IPO9: variants seen among roughly 807,000 people sequenced by gnomAD.
IPO9 encodes the protein importin-9.
Under a neutral mutation model 128.6 loss-of-function variants are expected in IPO9, and 28 were observed. The observed-to-expected ratio is 0.22, with a 90% CI of 0.16 to 0.30. IPO9 has a LOEUF of 0.30. IPO9 is among the 10% of genes least tolerant of loss of function. IPO9 has a pLI of 1.00. For synonymous variants in IPO9, 455 were observed against 475.8 expected (o/e 0.96, Z 0.57); for missense variants, 935 against 1,293.9 (o/e 0.72, Z 4.26).
chr1:201,829,529 G>T (rs936818441), intron 1 of IPO9, 157 bp downstream of exon 1: 11 of 557,358 alleles, frequency 2.0e-5, no homozygotes, highest in Non-Finnish European at 2.5e-5. Flanking sequence ...TGGTGGTTGT[G>T]AAAGTCCGAG....
At position 201,874,820 on chromosome 1, in the gene IPO9, A is replaced by C; in HGVS notation, c.2834-12A>C. 2 of 1,573,706 alleles carry C rather than the reference A, an allele frequency of 1.3e-6. No individual in the cohort carries two copies. Among genetic ancestry groups the C allele is most frequent in the East Asian group, 2.2e-5 (1 of 44,654 alleles). ...TGTGCTCTAGCTCTAGCTGCTTTTC[A>C]TCTCCAAGTAGATGACTCCAATGAT... On this transcript the variant is annotated splice_polypyrimidine_tract_variant and intron_variant, in intron 21 of 23. Coordinates refer to ENST00000361565, the MANE Select transcript of IPO9 (RefSeq NM_018085.5).
chr1:201,871,376 CTTTTTTTTTTTTTTTTTTT>C (rs556986429), intron 19 of IPO9, 49 bp downstream of exon 19: 1 of 144,692 alleles, frequency 6.9e-6, no homozygotes, highest in South Asian at 6.2e-5. Flanking sequence ...ACTCATATTT[CTTTTTTTTTTTTTTTTTTT>C]TTTTTTTTTT....
chr1:201,871,612 T>C (rs1400561222), intron 19 of IPO9, among the ~76,000 whole-genome samples: 1 of 151,902 alleles, frequency 6.6e-6, no homozygotes, highest in Non-Finnish European at 1.5e-5. Context: ...AGGCTGGTCT[T>C]GAACTCCTGA....
At chr1:201,862,580 G>T (rs1458960827) in intron 13 of IPO9, among the ~76,000 whole-genome samples, 4 of 151,806 alleles carry the variant, frequency 2.6e-5, no homozygotes, top group Non-Finnish European at 5.9e-5. Context: ...GCCAAGGCAG[G>T]CAGATCACCT....
At chr1:201,857,993 C>T (rs937166298) in intron 11 of IPO9, among the ~76,000 whole-genome samples, 5 of 152,172 alleles carry the variant, frequency 3.3e-5, no homozygotes, top group African/African-American at 1.2e-4. Flanking sequence ...AAGAAACTGC[C>T]ACTTGCTTCT....
chr1:201,848,287 C>G (rs1258841025), intron 3 of IPO9, 106 bp from the exon 4 acceptor site: 4 of 895,034 alleles, frequency 4.5e-6, no homozygotes, highest in East Asian at 2.5e-5. Context: ...TGTAGACATG[C>G]AGTACCTTGT....
chr1:201,858,556 A>G lies in IPO9; in HGVS notation c.1328+3A>G, dbSNP rs1246100252. 4 of 1,515,566 alleles carry G rather than the reference A, an allele frequency of 2.6e-6. No homozygotes were observed. The Admixed American group carries it at 6.4e-5, about 24-fold the overall frequency. The allele number at this position is 1,515,566 out of a possible 1,614,324, so 93.9% of individuals were successfully genotyped here. On this transcript the variant is annotated splice_donor_region_variant and intron_variant, in intron 12 of 23. Coordinates refer to ENST00000361565, the MANE Select transcript of IPO9 (RefSeq NM_018085.5). ...AAAAACAGTGGCACTGAGCACTGGTAAGAGTGAGCCGCTAATTGGTTAAGA... is the reference window on the plus strand; with the variant it reads ...AAAAACAGTGGCACTGAGCACTGGTGAGAGTGAGCCGCTAATTGGTTAAGA...
In IPO9 at chr1:201,829,253, G is replaced by A; in HGVS notation, c.44G>A (p.Gly15Asp). 2 of 1,589,246 alleles carry A rather than the reference G, an allele frequency of 1.3e-6. No homozygotes were observed. The highest frequency in any genetic ancestry group is 1.4e-5 in the African/African-American group (1 of 72,688). Reference sequence around the variant, plus strand: ...GCTGGTGCGGCCTCCGGGCTGCCGGGTCCAGTGGCACAAGGATTAAAGGAA... The same window carrying A: ...GCTGGTGCGGCCTCCGGGCTGCCGGATCCAGTGGCACAAGGATTAAAGGAA... The part of the protein sequence containing the change: ...AAAGAASGLP[G>D]PVAQGLKEAL... The change falls in exon 1 of 24, where the codon GGT becomes GAT. Residue 15 changes from glycine to aspartate, a missense_variant. Gly to Asp is a moderately conservative substitution (Grantham distance 94). Around this residue, in one of 3 missense-constraint regions of IPO9, gnomAD observed 741 missense variants for 1,019.1 expected, o/e 0.73. Transcript: ENST00000361565.
intron 23 of IPO9, 68 bp from the exon 24 acceptor site, chr1:201,875,876 G>A: frequency 1.0e-6 from 1 of 953,350 alleles, no homozygotes; most frequent in Non-Finnish European, 1.7e-6. Flanking sequence ...TTTGATTGTG[G>A]TTCTTGCTCC....
Position 201,858,981 on chromosome 1 carries a change from C to T in IPO9, c.1455C>T (p.Asp485=). 1 of 1,607,508 alleles carries T rather than the reference C, an allele frequency of 6.2e-7. No homozygotes were observed. Among genetic ancestry groups the T allele is most frequent in the Non-Finnish European group, 8.5e-7 (1 of 1,174,768 alleles). Residue 485 remains aspartate (D), a synonymous_variant, in exon 13 of 24, where the codon GAC becomes GAT. Coordinates refer to ENST00000361565, the MANE Select transcript of IPO9 (RefSeq NM_018085.5). ...TCCTGACCAATGTCATCCTTGCAGA[C>T]CTCAACCTCTCAGGTATGTTTCAGC... ...HGFLTNVILA[D]LNLSVSPFLL...
chr1:201,854,778 T>G (rs1304425856), intron 7 of IPO9, 45 bp from the exon 8 acceptor site: 1 of 1,606,212 alleles, frequency 6.2e-7, no homozygotes, highest in East Asian at 2.2e-5. Flanking sequence ...CATTTATTTC[T>G]TATATATCAC....
chr1:201,872,783 C>G (rs778061565), intron 19 of IPO9, 45 bp from the exon 20 acceptor site: 2 of 1,579,546 alleles, frequency 1.3e-6, no homozygotes, highest in Non-Finnish European at 8.6e-7. Context: ...GGAGTGAACT[C>G]GAGATGGGCG....
chr1:201,870,841 A>ACTCT lies in IPO9; in HGVS notation c.2393_2394insTCTC (p.Ser800AlafsTer28). On this transcript the variant is annotated frameshift_variant, in exon 18 of 24. Transcript: ENST00000361565. LOFTEE classifies it high-confidence loss of function. The surrounding 1 kb of genome is among the most constrained non-coding windows in gnomAD (Gnocchi z 4.9). ...CCTCAGTAAGATGCAGCAGGCAGAG[A>ACTCT]CGCTCAGTGTCATGCAGGTAAGAGA... 6.2e-7 allele frequency: 1 copy of ACTCT among 1,613,088 alleles called. No homozygotes were observed. The highest frequency in any genetic ancestry group is 8.5e-7 in the Non-Finnish European group (1 of 1,179,398).
Position 201,884,210 on chromosome 1 carries a change from C to G in IPO9, c.*8156C>G, listed in dbSNP as rs1468679448. 6.6e-6 allele frequency: 1 copy of G among 152,210 alleles called. No individual in the cohort carries two copies. The highest frequency in any genetic ancestry group is 2.4e-5 in the African/African-American group (1 of 41,442). 9.4% of individuals were successfully genotyped at this position (152,210 alleles called of 1,614,324 possible). A position where few individuals can be genotyped will look rare whatever the true frequency, so the allele number is the denominator to read the frequency against. Reference sequence around the variant, plus strand: ...GCTGCTTAAATTATGTCTCCATTTCCTAATCCACAGAACAAGTGTAATACT... The same window carrying G: ...GCTGCTTAAATTATGTCTCCATTTCGTAATCCACAGAACAAGTGTAATACT... On this transcript the variant is annotated 3_prime_UTR_variant, in exon 24 of 24. Coordinates refer to ENST00000361565, the MANE Select transcript of IPO9 (RefSeq NM_018085.5).
chr1:201,843,102 A>G lies in IPO9; in HGVS notation c.164-4177A>G, dbSNP rs182385519. On this transcript the variant is annotated intron_variant, in intron 1 of 23. Coordinates refer to ENST00000361565, the MANE Select transcript of IPO9 (RefSeq NM_018085.5). ...GGTCTAGATTGCAGGCAACAATACT[A>G]GTCTAGCAAGTACCTCTTCCTCAGT... 3.4e-3 allele frequency among the ~76,000 whole-genome samples: 522 copies of G among 152,350 alleles called. 2 individuals carry two copies. Among genetic ancestry groups the G allele is most frequent in the Admixed American group, 8.0e-3 (122 of 15,302 alleles).
intron 6 of IPO9, 99 bp downstream of exon 6, chr1:201,853,196 T>TAACC: frequency 1.1e-6 from 1 of 872,282 alleles, no homozygotes; most frequent in Non-Finnish European, 2.0e-6. Context: ...AAAAGCACAC[T>TAACC]AACCAGTATT....
intron 15 of IPO9, 22 bp from the exon 16 acceptor site, chr1:201,868,626 C>A: frequency 6.2e-7 from 1 of 1,601,882 alleles, no homozygotes; most frequent in South Asian, 1.1e-5. Flanking sequence ...AGGGGGATTC[C>A]GTGTTGCCTT....
In IPO9 at chr1:201,876,268, C is replaced by T; in HGVS notation, c.*214C>T. 1.5e-6 allele frequency: 1 copy of T among 682,844 alleles called. No homozygotes were observed. Among genetic ancestry groups the T allele is most frequent in the East Asian group, 2.8e-5 (1 of 36,178 alleles). The allele number at this position is 682,844 out of a possible 1,614,324, so 42.3% of individuals were successfully genotyped here. A position where few individuals can be genotyped will look rare whatever the true frequency, so the allele number is the denominator to read the frequency against. On this transcript the variant is annotated 3_prime_UTR_variant, in exon 24 of 24. Transcript: ENST00000361565. The stretch of plus-strand genomic sequence containing the variant: ...ACAAAGGACATTTCTCAAAGTTCCC[C>T]TGAAGACATGCCATCTCTAGAACCT...
intron 14 of IPO9, 23 bp from the exon 15 acceptor site, chr1:201,866,710 C>T: frequency 6.4e-7 from 1 of 1,557,504 alleles, no homozygotes; most frequent in Non-Finnish European, 8.8e-7. Flanking sequence ...TTTAATAATT[C>T]TTGCTTATCT....
Sources: allele counts gnomAD v4.1 joint callset (sites outside exome capture counted in the v4.1 genomes callset), GRCh38; gene constraint gnomAD v4.1.1; regional missense constraint gnomAD v4.1.1; non-coding constraint Gnocchi (gnomAD v3.1); transcripts MANE v1.5; gene names NCBI Gene and HGNC (gene_info 2026-07-23, HGNC 2026-07-21).